PARP15: variants seen among roughly 807,000 people sequenced by gnomAD.
PARP15 encodes poly(ADP-ribose) polymerase family member 15.
A neutral mutation model predicts 62.1 loss-of-function variants in PARP15; 50 were observed. The observed-to-expected ratio is 0.81, with a 90% confidence interval of 0.64 to 1.02. The LOEUF is 1.02. Ranked by LOEUF, PARP15 falls within the 50% of genes least tolerant of loss-of-function variation. The pLI, the probability that PARP15 is intolerant of heterozygous loss-of-function variation, is 0.00. For synonymous variants in PARP15, 309 were observed against 293.1 expected (o/e 1.05, Z -0.55); for missense variants, 820 against 826.5 (o/e 0.99, Z 0.10).
At chr3:122,632,944 T>C (rs7612991) in intron 10 of PARP15, among the ~76,000 whole-genome samples, 71,224 of 151,980 alleles carry the variant, frequency 0.47, 17,714 homozygotes, top group African/African-American at 0.65. Context: ...TACCACAATG[T>C]CCACTATGCT....
intron 1 of PARP15, among the ~76,000 whole-genome samples, chr3:122,580,144 A>T (rs1216103069): frequency 6.6e-6 from 1 of 151,372 alleles, no homozygotes; most frequent in Non-Finnish European, 1.5e-5. Context: ...CTCTCATTGG[A>T]TAGAGTGTTC....
intron 3 of PARP15, 135 bp from the exon 4 acceptor site, chr3:122,612,904 CCT>C (rs1211620343): frequency 1.4e-6 from 1 of 718,246 alleles, no homozygotes; most frequent in Non-Finnish European, 2.3e-6. Context: ...GTTTTTGTTT[CCT>C]CTTTCTGACT....
intron 2 of PARP15, among the ~76,000 whole-genome samples, chr3:122,606,313 C>A (rs1197188675): frequency 1.3e-5 from 2 of 152,152 alleles, no homozygotes; most frequent in African/African-American, 2.4e-5. Context: ...TCTTTTATTT[C>A]TCTGTAACTG....
intron 1 of PARP15, among the ~76,000 whole-genome samples, chr3:122,601,029 T>C: frequency 6.9e-6 from 1 of 144,690 alleles, no homozygotes. Flanking sequence ...TTTGTTTGTC[T>C]TTTATGGTTT....
intron 1 of PARP15, among the ~76,000 whole-genome samples, chr3:122,586,811 C>T (rs1933484273): frequency 6.6e-6 from 1 of 151,742 alleles, no homozygotes; most frequent in Admixed American, 6.6e-5. Context: ...ATCATTATCA[C>T]CCAAAGCCCC....
chr3:122,630,618 G>A (rs1247213735), intron 9 of PARP15, among the ~76,000 whole-genome samples: 1 of 152,104 alleles, frequency 6.6e-6, no homozygotes, highest in Non-Finnish European at 1.5e-5. Flanking sequence ...GGTCAAGGCT[G>A]CAGTGATCCA....
Position 122,636,094 on chromosome 3 carries a change from G to A in PARP15, c.2031G>A (p.Thr677=), listed in dbSNP as rs1425516279. 27 of 1,607,448 alleles carry A rather than the reference G, an allele frequency of 1.7e-5. No homozygotes were observed. The highest frequency in any genetic ancestry group is 2.2e-5 in the South Asian group (2 of 90,722). The change falls in exon 12 of 12, where the codon ACG becomes ACA. Residue 677 remains threonine, a synonymous_variant. Transcript: ENST00000464300. ...QAYPEYLITF[T]A is the part of the protein sequence containing the mutation. Reference sequence around the variant, plus strand: ...ACCCAGAATATCTCATAACTTTCACGGCTTAAAAATATTTTTATCATCAAA... The same window carrying A: ...ACCCAGAATATCTCATAACTTTCACAGCTTAAAAATATTTTTATCATCAAA...
intron 8 of PARP15, among the ~76,000 whole-genome samples, chr3:122,625,584 A>G (rs1936669771): frequency 6.6e-6 from 1 of 152,180 alleles, no homozygotes; most frequent in Non-Finnish European, 1.5e-5. Flanking sequence ...TTAAGTTAAA[A>G]TGAGGCCATT....
At chr3:122,630,825 T>G (rs1454295839) in intron 9 of PARP15, among the ~76,000 whole-genome samples, 1 of 152,202 alleles carries the variant, frequency 6.6e-6, no homozygotes, top group African/African-American at 2.4e-5. Flanking sequence ...TACTATATTT[T>G]AACTTTGCAA....
chr3:122,589,153 A>G (rs897153886), intron 1 of PARP15, among the ~76,000 whole-genome samples: 1 of 152,172 alleles, frequency 6.6e-6, no homozygotes, highest in Non-Finnish European at 1.5e-5. Flanking sequence ...GGGTCCCAGC[A>G]TGGTAGAGTT....
At position 122,617,015 on chromosome 3, in the gene PARP15, G is replaced by T; in HGVS notation, c.851G>T (p.Gly284Val). Residue 284 changes from glycine (G) to valine (V), a missense_variant and splice_region_variant, in exon 6 of 12, where the codon GGT becomes GTT. Gly to Val is a moderately radical substitution (Grantham distance 109). This residue lies in a region of PARP15 where 731 missense variants were observed against 727.7 expected (regional missense o/e 1.00). Transcript: ENST00000464300. ...ARIPMAGDTQ[G>V]VVGTVSKPCF... ...CTTTACCTATTTTCTTTCTTTTCAG[G>T]TGTGGTCGGGACTGTCTCTAAGCCT... The T allele has an allele frequency of 6.2e-7, 1 of 1,613,316 alleles. No homozygotes were observed. The highest frequency in any genetic ancestry group is 1.7e-5 in the Admixed American group (1 of 59,846).
At chr3:122,616,870 G>C in intron 5 of PARP15, 145 bp from the exon 6 acceptor site, 1 of 784,506 alleles carries the variant, frequency 1.3e-6, no homozygotes, top group East Asian at 2.6e-5. Flanking sequence ...AGCTGTTTAA[G>C]AGGCCAGGAG....
chr3:122,613,326 T>C, intron 4 of PARP15, 58 bp downstream of exon 4: 1 of 1,363,724 alleles, frequency 7.3e-7, no homozygotes, highest in Non-Finnish European at 1.0e-6. Flanking sequence ...CGCATTCAGA[T>C]GTTTTTATAG....
In PARP15 at chr3:122,617,047, A is replaced by T. The variant is rs1400944748; in HGVS notation, c.883A>T (p.Thr295Ser). The T allele has an allele frequency of 1.2e-6, 2 of 1,614,034 alleles. No homozygotes were observed. The highest frequency in any genetic ancestry group is 1.7e-6 in the Non-Finnish European group (2 of 1,180,022). The stretch of plus-strand genomic sequence containing the variant: ...CGGGACTGTCTCTAAGCCTTGTTTC[A>T]CAGCATATGAAATGAAAATCGGTGC... ...VVGTVSKPCF[T>S]AYEMKIGAIT... Residue 295 changes from threonine to serine, a missense_variant, in exon 6 of 12, where the codon ACA (threonine) becomes TCA (serine). This residue lies in a region of PARP15 where 731 missense variants were observed against 727.7 expected (regional missense o/e 1.00). Transcript: ENST00000464300.
At chr3:122,586,889 T>C (rs1447427979) in intron 1 of PARP15, among the ~76,000 whole-genome samples, 1 of 152,186 alleles carries the variant, frequency 6.6e-6, no homozygotes, top group East Asian at 1.9e-4. Context: ...TAATAATATG[T>C]ATATACCATT....
At chr3:122,594,585 A>C in intron 1 of PARP15, 1 of 969,888 alleles carries the variant, frequency 1.0e-6, no homozygotes, top group Non-Finnish European at 1.2e-6. Context: ...GATATAGGGT[A>C]GGGGAGGTTG....
intron 7 of PARP15, among the ~76,000 whole-genome samples, chr3:122,620,128 C>T (rs1576532630): frequency 1.3e-5 from 2 of 152,132 alleles, no homozygotes; most frequent in East Asian, 1.9e-4. Flanking sequence ...ATCCTAGGCA[C>T]GTCATCTAAC....
chr3:122,591,419 T>G (rs4678200), intron 1 of PARP15, among the ~76,000 whole-genome samples: 127,297 of 152,198 alleles, frequency 0.84, 53,357 homozygotes, highest in East Asian at 0.91. Context: ...AGAAGCCAAT[T>G]GTGACTTCAG....
At chr3:122,580,691 C>T (rs548639895) in intron 1 of PARP15, among the ~76,000 whole-genome samples, 1 of 152,256 alleles carries the variant, frequency 6.6e-6, no homozygotes, top group Non-Finnish European at 1.5e-5. Context: ...GAATTTCCTT[C>T]CTTTTTAAGG....
Sources: allele counts gnomAD v4.1 joint callset (sites outside exome capture counted in the v4.1 genomes callset), GRCh38; gene constraint gnomAD v4.1.1; regional missense constraint gnomAD v4.1.1; transcripts MANE v1.5; gene names NCBI Gene and HGNC (gene_info 2026-07-23, HGNC 2026-07-21).